Variants in DDR2 observed in about 807,000 individuals in gnomAD.
DDR2 encodes the protein discoidin domain receptor tyrosine kinase 2.
A neutral mutation model predicts 94.9 loss-of-function variants in DDR2; 27 were observed. That is an observed-to-expected ratio of 0.28 (90% confidence interval 0.21 to 0.39). The LOEUF (loss-of-function observed/expected upper bound fraction) is 0.39. Among genes scored for constraint, DDR2 ranks in the 10% least tolerant of loss-of-function variants. DDR2 has a pLI of 1.00. For synonymous variants in DDR2, 382 were observed against 377.2 expected (o/e 1.01, Z -0.15); for missense variants, 783 against 1,076.0 (o/e 0.73, Z 3.81).
chr1:162,740,063 C>T (rs1407117071), intron 3 of DDR2, among the ~76,000 whole-genome samples: 1 of 151,660 alleles, frequency 6.6e-6, no homozygotes, highest in Non-Finnish European at 1.5e-5. Context: ...CTAAAGTTTA[C>T]CTCTTTTTTT....
At chr1:162,777,373 A>G (rs1316589466) in intron 16 of DDR2, among the ~76,000 whole-genome samples, 1 of 152,132 alleles carries the variant, frequency 6.6e-6, no homozygotes, top group Non-Finnish European at 1.5e-5. Flanking sequence ...TTATCTGCAT[A>G]ATATTCCATG....
chr1:162,663,265 A>G (rs569916998), intron 2 of DDR2, among the ~76,000 whole-genome samples: 1 of 152,140 alleles, frequency 6.6e-6, no homozygotes, highest in Non-Finnish European at 1.5e-5. Context: ...CTGGCAGTCA[A>G]ATATGCAGGG....
intron 1 of DDR2, among the ~76,000 whole-genome samples, chr1:162,654,503 C>G (rs1235723973): frequency 6.6e-6 from 1 of 152,056 alleles, no homozygotes; most frequent in East Asian, 1.9e-4. Context: ...CACTATAAAT[C>G]CATAGTTTTT....
intron 3 of DDR2, among the ~76,000 whole-genome samples, chr1:162,730,040 C>CTTTT (rs543854413): frequency 7.4e-5 from 4 of 53,760 alleles, no homozygotes; most frequent in Admixed American, 2.3e-4. Flanking sequence ...CCATGCCTGG[C>CTTTT]TTTTTTTTTT....
At chr1:162,719,206 T>A in intron 3 of DDR2, 61 bp downstream of exon 3, 1 of 1,611,834 alleles carries the variant, frequency 6.2e-7, no homozygotes, top group Non-Finnish European at 8.5e-7. Flanking sequence ...AACCCATCAA[T>A]GTTCAATGGT....
chr1:162,727,525 TAAATAAAAATAA>T lies in DDR2; in HGVS notation c.82+8400_82+8411del, dbSNP rs1168838433. 9.6e-5 allele frequency among the ~76,000 whole-genome samples: 14 copies of T among 146,284 alleles called. No individual in the cohort carries two copies. In the South Asian group the frequency reaches 2.1e-3, roughly 22 times the overall value. ...ATAGAGTTAAAAATAAATAAATAAA[TAAATAAAAATAA>T]AAATAAAAATAAAAATAAATAAATA... On this transcript the variant is annotated intron_variant, in intron 3 of 17. Coordinates refer to ENST00000367921, the MANE Select transcript of DDR2 (RefSeq NM_006182.4).
At chr1:162,652,600 C>T (rs1330353548) in intron 1 of DDR2, among the ~76,000 whole-genome samples, 1 of 152,188 alleles carries the variant, frequency 6.6e-6, no homozygotes, top group African/African-American at 2.4e-5. Context: ...TTTTGGTTCA[C>T]AGACAATAAG....
chr1:162,736,046 T>C (rs1238394677), intron 3 of DDR2, among the ~76,000 whole-genome samples: 1 of 152,140 alleles, frequency 6.6e-6, no homozygotes, highest in Non-Finnish European at 1.5e-5. Context: ...CCCAGCATGG[T>C]CCTAGAGAAT....
chr1:162,648,757 A>G (rs1212069924), intron 1 of DDR2, among the ~76,000 whole-genome samples: 1 of 152,200 alleles, frequency 6.6e-6, no homozygotes, highest in African/African-American at 2.4e-5. Flanking sequence ...AGATGGCATG[A>G]CCACGAATGG....
At chr1:162,658,829 A>AAAATAAATAAATAAATAAAT (rs1658153139) in intron 2 of DDR2, among the ~76,000 whole-genome samples, 4 of 133,620 alleles carry the variant, frequency 3.0e-5, no homozygotes, top group African/African-American at 8.2e-5. Flanking sequence ...CCTGTCTCAA[A>AAAATAAATAAATAAATAAAT]AAATAAATAA....
intron 3 of DDR2, among the ~76,000 whole-genome samples, chr1:162,747,968 C>T (rs1024766221): frequency 2.6e-5 from 4 of 152,130 alleles, no homozygotes; most frequent in African/African-American, 9.7e-5. Context: ...TTTGTCACCA[C>T]CAGGCCTGCC....
intron 4 of DDR2, 87 bp downstream of exon 4, chr1:162,753,284 G>A (rs1024634487): frequency 2.0e-5 from 25 of 1,242,230 alleles, no homozygotes; most frequent in Non-Finnish European, 2.7e-5. Flanking sequence ...GGCTGGGGAA[G>A]GTGGTGTTAT....
intron 10 of DDR2, 102 bp downstream of exon 10, chr1:162,766,165 A>G: frequency 7.8e-7 from 1 of 1,276,454 alleles, no homozygotes; most frequent in East Asian, 2.3e-5. Context: ...GAGGCTTTAC[A>G]CCAGTTGGCT....
chr1:162,648,181 G>A (rs1461561131), intron 1 of DDR2, among the ~76,000 whole-genome samples: 2 of 152,204 alleles, frequency 1.3e-5, no homozygotes, highest in African/African-American at 4.8e-5. Context: ...CAAGTAAATG[G>A]GGGGCTAGTT....
At chr1:162,654,519 T>C (rs973479712) in intron 1 of DDR2, among the ~76,000 whole-genome samples, 1 of 152,134 alleles carries the variant, frequency 6.6e-6, no homozygotes, top group Non-Finnish European at 1.5e-5. Flanking sequence ...TTTTTATATA[T>C]GTGTAAACTA....
intron 2 of DDR2, among the ~76,000 whole-genome samples, chr1:162,701,230 C>T (rs1316004216): frequency 1.3e-5 from 2 of 152,206 alleles, no homozygotes; most frequent in Non-Finnish European, 2.9e-5. Context: ...ATTTTGTCTT[C>T]CAGACCTGAC....
At chr1:162,729,563 A>G (rs1041270350) in intron 3 of DDR2, among the ~76,000 whole-genome samples, 16 of 147,184 alleles carry the variant, frequency 1.1e-4, no homozygotes, top group African/African-American at 4.0e-4. Flanking sequence ...GGTTTTTATG[A>G]CTTTGGTCTT....
intron 17 of DDR2, among the ~76,000 whole-genome samples, chr1:162,779,281 T>G (rs1647764443): frequency 6.6e-6 from 1 of 151,848 alleles, no homozygotes; most frequent in African/African-American, 2.4e-5. Context: ...TCCCCAGGAG[T>G]CTCAATTCCT....
intron 2 of DDR2, among the ~76,000 whole-genome samples, chr1:162,702,660 C>A (rs951191348): frequency 1.3e-5 from 2 of 152,168 alleles, no homozygotes; most frequent in African/African-American, 4.8e-5. Context: ...TATTGTCTAC[C>A]ATAGGATCTA....
Sources: allele counts gnomAD v4.1 joint callset (sites outside exome capture counted in the v4.1 genomes callset), GRCh38; gene constraint gnomAD v4.1.1; transcripts MANE v1.5; gene names NCBI Gene and HGNC (gene_info 2026-07-23, HGNC 2026-07-21).